The following LAMTOR3 variants were observed in gnomAD, a reference collection of about 807,000 sequenced individuals.
LAMTOR3 encodes ragulator complex protein LAMTOR3.
LAMTOR3 carries 14 observed loss-of-function variants against 20.3 expected under a neutral mutation model. That is an observed-to-expected ratio of 0.69 (90% confidence interval 0.46 to 1.08). LAMTOR3 has a LOEUF of 1.08. LAMTOR3 is among the 50% of genes least tolerant of loss of function. LAMTOR3 has a pLI of 0.00. For missense variants in LAMTOR3, 125 were observed against 143.7 expected (o/e 0.87, Z 0.67); for synonymous variants, 40 against 49.4 (o/e 0.81, Z 0.80).
intron 3 of LAMTOR3, 43 bp from the exon 4 acceptor site, chr4:99,887,397 T>C (rs540623111): frequency 4.3e-6 from 4 of 930,068 alleles, no homozygotes; most frequent in African/African-American, 3.5e-5. Context: ...AGTTAAAATA[T>C]AAAATTTTAA....
At position 99,887,357 on chromosome 4, in the gene LAMTOR3, A is replaced by G; in HGVS notation, c.45-3T>C. The G allele has an allele frequency of 7.2e-7, 1 of 1,384,254 alleles. No homozygotes were observed. The highest frequency in any genetic ancestry group is 9.7e-7 in the Non-Finnish European group (1 of 1,030,488). 85.7% of individuals were successfully genotyped at this position (1,384,254 alleles called of 1,614,324 possible). A position where few individuals can be genotyped will look rare whatever the true frequency, so the allele number is the denominator to read the frequency against. On this transcript the variant is annotated splice_region_variant and splice_polypyrimidine_tract_variant and intron_variant, in intron 3 of 6. Coordinates refer to ENST00000499666, the MANE Select transcript of LAMTOR3 (RefSeq NM_021970.4). Reference sequence around the variant, plus strand: ...CAATGGCATGGAGCCCTTCAACACTAGAAAAAGAAAATAGTTAAAATATAA... The same window carrying G: ...CAATGGCATGGAGCCCTTCAACACTGGAAAAAGAAAATAGTTAAAATATAA...
Position 99,881,603 on chromosome 4 carries a change from A to T in LAMTOR3, c.*391T>A. 6.1e-6 allele frequency: 1 copy of T among 163,740 alleles called. No individual in the cohort carries two copies. The highest frequency in any genetic ancestry group is 1.3e-5 in the Non-Finnish European group (1 of 75,968). The allele number at this position is 163,740 out of a possible 1,614,324, so 10.1% of individuals were successfully genotyped here. On this transcript the variant is annotated 3_prime_UTR_variant, in exon 7 of 7. Coordinates refer to ENST00000499666, the MANE Select transcript of LAMTOR3 (RefSeq NM_021970.4). ...ATGTCCTTATTATTATTCACAATAAAAAGTTGGCTTTATTCTGCAAGCCTG... is the reference window on the plus strand; with the variant it reads ...ATGTCCTTATTATTATTCACAATAATAAGTTGGCTTTATTCTGCAAGCCTG...
At chr4:99,885,740 T>C in intron 4 of LAMTOR3, 65 bp from the exon 5 acceptor site, 1 of 1,361,338 alleles carries the variant, frequency 7.3e-7, no homozygotes, top group East Asian at 2.4e-5. Flanking sequence ...TTACAGCCCT[T>C]TTTTTTCATA....
chr4:99,884,975 A>G (rs1280534638), intron 5 of LAMTOR3, among the ~76,000 whole-genome samples: 2 of 152,148 alleles, frequency 1.3e-5, no homozygotes, highest in Admixed American at 1.3e-4. Flanking sequence ...TGGAAGAAAA[A>G]AAAAAAAAGA....
rs531775156 is a variant in LAMTOR3, at chr4:99,878,984, T to C, written c.*3010A>G. 6.6e-6 allele frequency: 1 copy of C among 152,226 alleles called. No individual in the cohort carries two copies. Among genetic ancestry groups the C allele is most frequent in the South Asian group, 2.1e-4 (1 of 4,832 alleles). 9.4% of individuals were successfully genotyped at this position (152,226 alleles called of 1,614,324 possible). A position where few individuals can be genotyped will look rare whatever the true frequency, so the allele number is the denominator to read the frequency against. On this transcript the variant is annotated 3_prime_UTR_variant, in exon 7 of 7. Transcript: ENST00000499666. ...CATCTATGTGCTTTGTTTGGTAGGA[T>C]AAATTTCTAGAAGTGGAATTGCAGG...
intron 2 of LAMTOR3, 82 bp from the exon 3 acceptor site, chr4:99,892,116 G>C (rs1272104969): frequency 2.7e-6 from 4 of 1,467,712 alleles, no homozygotes; most frequent in Non-Finnish European, 3.6e-6. Flanking sequence ...AAATTTTAAG[G>C]AACTTCAGTT....
chr4:99,889,807 A>G (rs1375910916), intron 3 of LAMTOR3, among the ~76,000 whole-genome samples: 1 of 152,216 alleles, frequency 6.6e-6, no homozygotes, highest in Non-Finnish European at 1.5e-5. Flanking sequence ...AATGTTTAGA[A>G]AAATTAGTGC....
intron 3 of LAMTOR3, among the ~76,000 whole-genome samples, chr4:99,889,512 G>C (rs994426546): frequency 1.3e-5 from 2 of 152,198 alleles, no homozygotes; most frequent in Admixed American, 1.3e-4. Flanking sequence ...ACACAGTTTA[G>C]AACAGTGTAT....
chr4:99,883,358 A>T (rs1157600708), intron 6 of LAMTOR3, among the ~76,000 whole-genome samples: 1 of 152,042 alleles, frequency 6.6e-6, no homozygotes, highest in East Asian at 1.9e-4. Flanking sequence ...AATTCTCAAC[A>T]GCAATCAAAT....
intron 3 of LAMTOR3, among the ~76,000 whole-genome samples, chr4:99,889,663 G>A (rs1724988995): frequency 6.6e-6 from 1 of 152,136 alleles, no homozygotes; most frequent in Admixed American, 6.6e-5. Flanking sequence ...AGGGGAAACT[G>A]TGCATGTGGC....
At chr4:99,892,579 A>G (rs756440398) in intron 2 of LAMTOR3, among the ~76,000 whole-genome samples, 1 of 152,188 alleles carries the variant, frequency 6.6e-6, no homozygotes, top group Non-Finnish European at 1.5e-5. Context: ...TCACCTACTC[A>G]ACAAATAATG....
Position 99,881,756 on chromosome 4 carries a change from G to A in LAMTOR3, c.*238C>T. On this transcript the variant is annotated 3_prime_UTR_variant, in exon 7 of 7. Transcript: ENST00000499666. The stretch of plus-strand genomic sequence containing the variant: ...GACTAACTCCATGGGAGCTGTGATA[G>A]ACTGAACCATTTCTGTGGTATCCCT... The A allele has an allele frequency of 2.2e-6, 1 of 464,778 alleles. No individual in the cohort carries two copies. Among genetic ancestry groups the A allele is most frequent in the East Asian group, 4.3e-5 (1 of 23,112 alleles). 28.8% of individuals were successfully genotyped at this position (464,778 alleles called of 1,614,324 possible).
At position 99,884,043 on chromosome 4, in the gene LAMTOR3, T is replaced by G. The variant is rs769888942; in HGVS notation, c.301+19A>C. ...TTAAAATTAAGGATTAAAGTGATAT[T>G]TAAGGTCATTAAACACACCTGTATT... On this transcript the variant is annotated intron_variant, in intron 6 of 6. Coordinates refer to ENST00000499666, the MANE Select transcript of LAMTOR3 (RefSeq NM_021970.4). The G allele has an allele frequency of 6.6e-7, 1 of 1,518,348 alleles. No homozygotes were observed. Among genetic ancestry groups the G allele is most frequent in the South Asian group, 1.1e-5 (1 of 87,560 alleles). 94.1% of individuals were successfully genotyped at this position (1,518,348 alleles called of 1,614,324 possible). A position where few individuals can be genotyped will look rare whatever the true frequency, so the allele number is the denominator to read the frequency against.
chr4:99,886,961 C>G (rs1411885066), intron 4 of LAMTOR3, among the ~76,000 whole-genome samples: 2 of 151,968 alleles, frequency 1.3e-5, no homozygotes, highest in African/African-American at 2.4e-5. Flanking sequence ...GTAGGGGTGT[C>G]TGTGTGTATA....
intron 6 of LAMTOR3, among the ~76,000 whole-genome samples, chr4:99,883,699 T>C (rs1315340791): frequency 6.6e-6 from 1 of 151,826 alleles, no homozygotes; most frequent in Non-Finnish European, 1.5e-5. Context: ...TTTTGTTGGG[T>C]TATCTTCACC....
At chr4:99,887,966 A>AGGC (rs1465242493) in intron 3 of LAMTOR3, among the ~76,000 whole-genome samples, 1 of 152,240 alleles carries the variant, frequency 6.6e-6, no homozygotes, top group African/African-American at 2.4e-5. Flanking sequence ...TGGAGGCAGT[A>AGGC]ATACATCAGC....
intron 3 of LAMTOR3, among the ~76,000 whole-genome samples, chr4:99,887,570 A>G (rs1357114536): frequency 6.6e-6 from 1 of 152,230 alleles, no homozygotes; most frequent in Non-Finnish European, 1.5e-5. Context: ...CATGCAGTTT[A>G]TTAATAAGAA....
chr4:99,893,202 C>G (rs1578205461), intron 2 of LAMTOR3, among the ~76,000 whole-genome samples: 1 of 151,974 alleles, frequency 6.6e-6, no homozygotes, highest in African/African-American at 2.4e-5. Context: ...TTTTGTAGAA[C>G]GGGGTCTTGC....
At position 99,884,110 on chromosome 4, in the gene LAMTOR3, G is replaced by A. The variant is rs951268087; in HGVS notation, c.253C>T (p.Arg85Cys). Reference protein sequence around the residue: ...YNTYQVVQFNRLPLVVSFIAS... With the variant: ...YNTYQVVQFNCLPLVVSFIAS... ...ATGAAACTCACCACCAAAGGTAAAC[G>A]ATTAAATTGAACCACCTAAAAAGAA... The change falls in exon 6 of 7, where the codon CGT becomes TGT. Residue 85 changes from arginine (R) to cysteine (C), a missense_variant. By Grantham distance (180) the Arg-to-Cys change is radical. Coordinates refer to ENST00000499666, the MANE Select transcript of LAMTOR3 (RefSeq NM_021970.4). 1.2e-6 allele frequency: 2 copies of A among 1,611,916 alleles called. No homozygotes were observed. Among genetic ancestry groups the A allele is most frequent in the Non-Finnish European group, 1.7e-6 (2 of 1,178,672 alleles).
Sources: gnomAD v4.1 joint callset for allele counts (sites outside exome capture counted in the v4.1 genomes callset) on GRCh38, gnomAD v4.1.1 for gene constraint, MANE v1.5 for transcripts, NCBI Gene and HGNC (gene_info 2026-07-23, HGNC 2026-07-21) for gene names.